Variants in ZDHHC2 observed in about 807,000 individuals in gnomAD.
The protein encoded by ZDHHC2 is zDHHC palmitoyltransferase 2.
ZDHHC2 carries 51 observed loss-of-function variants against 55.6 expected under a neutral mutation model. That is an observed-to-expected ratio of 0.92 (90% CI 0.73 to 1.16). The LOEUF is 1.16. Among genes scored for constraint, ZDHHC2 ranks in the 50% most tolerant of loss-of-function variants. The pLI, the probability that ZDHHC2 is intolerant of heterozygous loss-of-function variation, is 0.00. For missense variants in ZDHHC2, 491 were observed against 442.4 expected (o/e 1.11, Z -0.99); for synonymous variants, 199 against 152.9 (o/e 1.30, Z -2.22).
intron 1 of ZDHHC2, among the ~76,000 whole-genome samples, chr8:17,184,073 C>G (rs974522550): frequency 1.3e-5 from 2 of 152,132 alleles, no homozygotes; most frequent in African/African-American, 4.8e-5. Context: ...TCCAAAGACT[C>G]TAGTACAAAG....
chr8:17,156,718 T>G lies in ZDHHC2; in HGVS notation c.-6T>G, dbSNP rs1415976891. On this transcript the variant is annotated 5_prime_UTR_variant, in exon 1 of 13. Coordinates refer to ENST00000262096, the MANE Select transcript of ZDHHC2 (RefSeq NM_016353.5). ...GCGGAGCTGGGCAGGTGGATGCGGCTGGAAGATGGCGCCCTCGGGCCCGGG... is the reference window on the plus strand; with the variant it reads ...GCGGAGCTGGGCAGGTGGATGCGGCGGGAAGATGGCGCCCTCGGGCCCGGG... The G allele has an allele frequency of 3.3e-5, 48 of 1,463,344 alleles. No homozygotes were observed. Among genetic ancestry groups the G allele is most frequent in the Non-Finnish European group, 9.1e-7 (1 of 1,104,482 alleles). 90.6% of individuals were successfully genotyped at this position (1,463,344 alleles called of 1,614,324 possible).
At chr8:17,198,058 C>T (rs758417837) in intron 5 of ZDHHC2, among the ~76,000 whole-genome samples, 3 of 152,184 alleles carry the variant, frequency 2.0e-5, no homozygotes, top group East Asian at 1.9e-4. Context: ...TTTATCCAGA[C>T]TTTCCGTAAA....
intron 1 of ZDHHC2, among the ~76,000 whole-genome samples, chr8:17,173,231 TGG>T (rs1006741507): frequency 1.3e-5 from 2 of 152,190 alleles, no homozygotes; most frequent in African/African-American, 4.8e-5. Context: ...GTATGAGTTT[TGG>T]GGCCAAACAG....
Position 17,156,833 on chromosome 8 carries a change from A to G in ZDHHC2, c.110A>G (p.Tyr37Cys). The change falls in exon 1 of 13, where the codon TAC becomes TGC. Residue 37 changes from tyrosine to cysteine, a missense_variant. Tyr to Cys is a radical substitution (Grantham distance 194). Coordinates refer to ENST00000262096, the MANE Select transcript of ZDHHC2 (RefSeq NM_016353.5). ...TLLLGWSYYA[Y>C]AIQLCIVSME... ...CTGCTCGGCTGGTCCTACTACGCCT[A>G]CGCCATCCAGCTGTGCATAGGTGAG... 2 of 1,518,838 alleles carry G rather than the reference A, an allele frequency of 1.3e-6. No individual in the cohort carries two copies. Among genetic ancestry groups the G allele is most frequent in the Non-Finnish European group, 1.8e-6 (2 of 1,131,954 alleles). The allele number at this position is 1,518,838 out of a possible 1,614,324, so 94.1% of individuals were successfully genotyped here. A position where few individuals can be genotyped will look rare whatever the true frequency, so the allele number is the denominator to read the frequency against.
intron 11 of ZDHHC2, among the ~76,000 whole-genome samples, chr8:17,216,030 A>G (rs776262105): frequency 2.0e-5 from 3 of 152,164 alleles, no homozygotes; most frequent in Admixed American, 2.0e-4. Flanking sequence ...CTCAATATTG[A>G]TAAGGAGTAG....
intron 3 of ZDHHC2, among the ~76,000 whole-genome samples, 185 bp from the exon 4 acceptor site, chr8:17,195,319 C>G (rs775793348): frequency 4.6e-5 from 7 of 152,086 alleles, no homozygotes; most frequent in Non-Finnish European, 8.8e-5. Flanking sequence ...TACCCTTTTT[C>G]TAGATGCATA....
chr8:17,187,751 G>A (rs1050977498), intron 3 of ZDHHC2, among the ~76,000 whole-genome samples: 1 of 152,032 alleles, frequency 6.6e-6, no homozygotes, highest in African/African-American at 2.4e-5. Context: ...CACTCTGGTA[G>A]TTTACATACA....
chr8:17,176,704 C>A (rs1254513149), intron 1 of ZDHHC2, among the ~76,000 whole-genome samples: 1 of 151,708 alleles, frequency 6.6e-6, no homozygotes, highest in Non-Finnish European at 1.5e-5. Flanking sequence ...ACAAGAAAGC[C>A]CAGAGTGACA....
chr8:17,178,990 G>T (rs539047653), intron 1 of ZDHHC2, among the ~76,000 whole-genome samples: 1 of 151,998 alleles, frequency 6.6e-6, no homozygotes, highest in Non-Finnish European at 1.5e-5. Flanking sequence ...ACGCTCTGTT[G>T]CCCAGGCTTG....
chr8:17,183,052 G>T (rs190984957), intron 1 of ZDHHC2, among the ~76,000 whole-genome samples: 280 of 152,290 alleles, frequency 1.8e-3, no homozygotes, highest in Middle Eastern at 3.4e-3. Flanking sequence ...GTGAGCCACC[G>T]TGCCCAGCCC....
chr8:17,176,831 A>C (rs543655356), intron 1 of ZDHHC2, among the ~76,000 whole-genome samples: 92 of 152,176 alleles, frequency 6.0e-4, no homozygotes, highest in African/African-American at 2.1e-3. Flanking sequence ...AAAAAAAGAA[A>C]CAGTTTGACT....
At chr8:17,218,543 A>G (rs764408607) in intron 12 of ZDHHC2, among the ~76,000 whole-genome samples, 8 of 152,322 alleles carry the variant, frequency 5.3e-5, no homozygotes, top group Non-Finnish European at 1.0e-4. Flanking sequence ...TATTTTGACA[A>G]TACCAGTATT....
In ZDHHC2 at chr8:17,202,732, T is replaced by TAC. The variant is rs766151469; in HGVS notation, c.477-2922_477-2921insCA. 7.2e-3 allele frequency among the ~76,000 whole-genome samples: 950 copies of TAC among 132,834 alleles called. 5 individuals are homozygous for TAC. Among genetic ancestry groups the TAC allele is most frequent in the East Asian group, 0.012 (44 of 3,782 alleles). 87.1% of individuals were successfully genotyped at this position (132,834 alleles called of 152,430 possible). A position where few individuals can be genotyped will look rare whatever the true frequency, so the allele number is the denominator to read the frequency against. Reference sequence around the variant, plus strand: ...TATATTTCTTCTAGTTATATATATATATACACACACACACACACACACATA... The same window carrying TAC: ...TATATTTCTTCTAGTTATATATATATACATACACACACACACACACACACATA... On this transcript the variant is annotated intron_variant, in intron 6 of 12. Coordinates refer to ENST00000262096, the MANE Select transcript of ZDHHC2 (RefSeq NM_016353.5).
chr8:17,175,300 A>T (rs1805075255), intron 1 of ZDHHC2, among the ~76,000 whole-genome samples: 1 of 152,098 alleles, frequency 6.6e-6, no homozygotes, highest in Non-Finnish European at 1.5e-5. Context: ...AAGTTTAAAA[A>T]TTTACTGGTT....
chr8:17,159,289 A>G (rs544998369), intron 1 of ZDHHC2, among the ~76,000 whole-genome samples: 3 of 152,312 alleles, frequency 2.0e-5, no homozygotes, highest in East Asian at 3.9e-4. Flanking sequence ...GCCATTTACA[A>G]GCAGATTTTC....
At chr8:17,163,246 A>G (rs1048014870) in intron 1 of ZDHHC2, among the ~76,000 whole-genome samples, 1 of 152,170 alleles carries the variant, frequency 6.6e-6, no homozygotes, top group Non-Finnish European at 1.5e-5. Context: ...ACCACAGAAC[A>G]CTGGAACCAC....
At chr8:17,203,249 TATTA>T (rs976433502) in intron 6 of ZDHHC2, among the ~76,000 whole-genome samples, 3 of 151,832 alleles carry the variant, frequency 2.0e-5, no homozygotes, top group African/African-American at 7.3e-5. Flanking sequence ...TATTTTACTT[TATTA>T]ATTAACTTTT....
At chr8:17,201,666 T>G (rs116229548) in intron 6 of ZDHHC2, among the ~76,000 whole-genome samples, 480 of 4,936 alleles carry the variant, frequency 0.097, 9 homozygotes, top group African/African-American at 0.26. Context: ...CGGTTTTTGG[T>G]TTTTTTTTTT....
At chr8:17,192,044 T>C (rs1806059442) in intron 3 of ZDHHC2, among the ~76,000 whole-genome samples, 1 of 152,194 alleles carries the variant, frequency 6.6e-6, no homozygotes, top group African/African-American at 2.4e-5. Flanking sequence ...TGTGCAGTGC[T>C]GCAATCACAG....
Sources: allele counts gnomAD v4.1 joint callset (sites outside exome capture counted in the v4.1 genomes callset), GRCh38; gene constraint gnomAD v4.1.1; transcripts MANE v1.5; gene names NCBI Gene and HGNC (gene_info 2026-07-23, HGNC 2026-07-21).